The following RANBP2 variants were observed in gnomAD, a reference collection of about 807,000 sequenced individuals.
RANBP2 encodes the protein E3 SUMO-protein ligase RanBP2.
In RANBP2, 57 loss-of-function variants were observed where a neutral mutation model predicts 303.6. The ratio of observed to expected loss-of-function variants is 0.19; its 90% confidence interval spans 0.15 to 0.23. RANBP2 has a LOEUF of 0.23. Ranked by LOEUF, RANBP2 falls within the 10% of genes least tolerant of loss-of-function variation. RANBP2 has a pLI of 1.00. For missense variants in RANBP2, 3,138 were observed against 3,780.8 expected (o/e 0.83, Z 4.46); for synonymous variants, 1,167 against 1,301.5 (o/e 0.90, Z 2.23).
the RANBP2 span, among the ~76,000 whole-genome samples, chr2:109,087,789 G>A: frequency 8.5e-5 from 13 of 152,148 alleles, no homozygotes; most frequent in Non-Finnish European, 1.5e-4. Context: ...GGGCCCTGGA[G>A]GAGTGGGAGA....
At chr2:109,020,656 C>T in the RANBP2 span, among the ~76,000 whole-genome samples, 1 of 152,220 alleles carries the variant, frequency 6.6e-6, no homozygotes, top group Non-Finnish European at 1.5e-5. Context: ...GGAGGTGTGA[C>T]AACACCAGGA....
At chr2:108,964,519 A>G in the RANBP2 span, among the ~76,000 whole-genome samples, 1 of 152,162 alleles carries the variant, frequency 6.6e-6, no homozygotes, top group Non-Finnish European at 1.5e-5. Flanking sequence ...GGGGAAAAAA[A>G]CCCCAACAAA....
At chr2:109,351,486 T>A in the RANBP2 span, among the ~76,000 whole-genome samples, 1 of 152,236 alleles carries the variant, frequency 6.6e-6, no homozygotes, top group Admixed American at 6.5e-5. Context: ...ATTGTCTTAC[T>A]CAGCTCACCT....
the RANBP2 span, among the ~76,000 whole-genome samples, chr2:108,870,552 A>G: frequency 1.3e-5 from 2 of 152,330 alleles, no homozygotes; most frequent in South Asian, 4.1e-4. Context: ...ACATCAAGAC[A>G]CATTATCATG....
At chr2:108,811,962 A>G in the RANBP2 span, among the ~76,000 whole-genome samples, 26 of 152,152 alleles carry the variant, frequency 1.7e-4, no homozygotes, top group East Asian at 1.7e-3. Context: ...ATTCTTTACT[A>G]TGGCCACATA....
chr2:109,064,734 C>T, the RANBP2 span, among the ~76,000 whole-genome samples: 3 of 152,124 alleles, frequency 2.0e-5, 1 homozygote, highest in Admixed American at 2.0e-4. Context: ...TTAGACATCC[C>T]TGTGGGTTGT....
the RANBP2 span, among the ~76,000 whole-genome samples, chr2:109,612,573 CAAATT>C: frequency 6.6e-6 from 1 of 152,166 alleles, no homozygotes; most frequent in Non-Finnish European, 1.5e-5. Flanking sequence ...AGCCTCAAAG[CAAATT>C]AAGTACAATT....
At chr2:109,088,835 A>G in the RANBP2 span, among the ~76,000 whole-genome samples, 3 of 152,216 alleles carry the variant, frequency 2.0e-5, no homozygotes, top group East Asian at 5.8e-4. Context: ...GTAAAAGAAA[A>G]AATAAAAGTA....
the RANBP2 span, among the ~76,000 whole-genome samples, chr2:108,855,015 G>A: frequency 6.6e-6 from 1 of 152,100 alleles, no homozygotes; most frequent in African/African-American, 2.4e-5. Context: ...GAATAAAAAG[G>A]TTACATTTGA....
the RANBP2 span, among the ~76,000 whole-genome samples, chr2:109,156,597 CACT>C: frequency 6.7e-3 from 1,014 of 152,160 alleles, 10 homozygotes; most frequent in African/African-American, 0.023. Flanking sequence ...AGGTGTCCAC[CACT>C]ACACCTGGCT....
the RANBP2 span, chr2:109,614,112 G>T: frequency 1.7e-6 from 2 of 1,209,380 alleles, no homozygotes; most frequent in South Asian, 8.6e-5. Context: ...GCGTTGGGGC[G>T]GGCTGAAGGA....
At chr2:108,893,959 C>A in the RANBP2 span, among the ~76,000 whole-genome samples, 10 of 152,058 alleles carry the variant, frequency 6.6e-5, no homozygotes, top group Non-Finnish European at 1.0e-4. Context: ...CAATACATAT[C>A]ATTTTCTTTC....
the RANBP2 span, among the ~76,000 whole-genome samples, chr2:109,130,751 C>T: frequency 2.6e-5 from 4 of 152,142 alleles, no homozygotes; most frequent in Admixed American, 1.3e-4. Context: ...TGCATTCCCA[C>T]GGGGGTCATT....
the RANBP2 span, among the ~76,000 whole-genome samples, chr2:109,212,974 AT>A: frequency 6.6e-6 from 1 of 152,338 alleles, no homozygotes; most frequent in South Asian, 2.1e-4. Flanking sequence ...CTGCCCACAC[AT>A]CCCAGGGAAG....
At chr2:109,553,483 G>T in the RANBP2 span, among the ~76,000 whole-genome samples, 3 of 151,290 alleles carry the variant, frequency 2.0e-5, no homozygotes, top group African/African-American at 7.3e-5. Context: ...GGCAGAGATT[G>T]CAGTGAGCTG....
chr2:109,429,905 G>T, the RANBP2 span, among the ~76,000 whole-genome samples: 2 of 152,112 alleles, frequency 1.3e-5, no homozygotes, highest in Admixed American at 1.3e-4. Flanking sequence ...CCTGGAGGGA[G>T]AAGTGGCCCA....
chr2:109,072,317 C>T, the RANBP2 span, among the ~76,000 whole-genome samples: 1 of 152,070 alleles, frequency 6.6e-6, no homozygotes, highest in Non-Finnish European at 1.5e-5. Context: ...TTCTGGAGGC[C>T]CAAATCACAC....
At chr2:109,284,043 C>T in the RANBP2 span, among the ~76,000 whole-genome samples, 5 of 152,166 alleles carry the variant, frequency 3.3e-5, no homozygotes, top group Non-Finnish European at 7.3e-5. Context: ...CATTGGGCTG[C>T]CTTCTCACTT....
chr2:109,036,413 A>C, the RANBP2 span, among the ~76,000 whole-genome samples: 1 of 152,204 alleles, frequency 6.6e-6, no homozygotes, highest in Admixed American at 6.5e-5. Context: ...CACTATCTCT[A>C]TAAATTTAGA....
Sources: gnomAD v4.1 joint callset for allele counts (sites outside exome capture counted in the v4.1 genomes callset) on GRCh38, gnomAD v4.1.1 for gene constraint, MANE v1.5 for transcripts, NCBI Gene and HGNC (gene_info 2026-07-23, HGNC 2026-07-21) for gene names.